PGF: variants seen among roughly 807,000 people sequenced by gnomAD.
PGF encodes the protein placental growth factor, also known as placenta growth factor.
PGF carries 11 observed loss-of-function variants against 25.3 expected under a neutral mutation model. The ratio of observed to expected loss-of-function variants is 0.43; its 90% CI spans 0.27 to 0.72. The LOEUF (loss-of-function observed/expected upper bound fraction) is 0.72, where lower values mean the gene tolerates loss of function less well. Ranked by LOEUF, PGF falls within the 30% of genes least tolerant of loss-of-function variation. PGF has a pLI of 0.18. For synonymous variants in PGF, 105 were observed against 97.9 expected, an observed-to-expected ratio of 1.07 and a Z score of -0.43; for missense variants, 230 against 234.9, an observed-to-expected ratio of 0.98 and a Z score of 0.14.
intron 2 of PGF, among the ~76,000 whole-genome samples, chr14:74,951,305 C>G (rs1361020470): frequency 6.6e-6 from 1 of 152,176 alleles, no homozygotes; most frequent in Non-Finnish European, 1.5e-5. Context: ...CAGTGGGAAA[C>G]AAGGCCTCTC....
rs775694930 is a variant in PGF at position 74,955,172 on chromosome 14, G to C, written c.71C>G (p.Pro24Arg). The change falls in exon 1 of 7, where the codon CCC becomes CGC. Residue 24 changes from proline (P) to arginine (R), a missense_variant. Coordinates refer to ENST00000555567, the MANE Select transcript of PGF (RefSeq NM_002632.6). The surrounding 1 kb of genome is among the most constrained non-coding windows in gnomAD (Gnocchi z 4.1). ...CTAGGTGGGGGTAGCTCTTACCTGG[G>C]GGGGCACAGCAGGCAGCGCCAGCCC... ...LAGLALPAVP[P>R]QQWALSAGNG... 1 of 1,472,416 alleles carries C rather than the reference G, an allele frequency of 6.8e-7. No homozygotes were observed. The allele number at this position is 1,472,416 out of a possible 1,614,324, so 91.2% of individuals were successfully genotyped here.
chr14:74,949,665 C>T (rs1016108158), intron 2 of PGF, 112 bp from the exon 3 acceptor site: 11 of 771,812 alleles, frequency 1.4e-5, no homozygotes, highest in African/African-American at 5.3e-5. Flanking sequence ...CAGCCCCATC[C>T]GAGCTCCCTC....
Position 74,955,305 on chromosome 14 carries a change from G to T in PGF, c.-63C>A. On this transcript the variant is annotated 5_prime_UTR_variant, in exon 1 of 7. Coordinates refer to ENST00000555567, the MANE Select transcript of PGF (RefSeq NM_002632.6). This position sits in a 1 kb window ranked among gnomAD's most constrained non-coding sequence, Gnocchi z 4.1. ...AACCACCATGCTCATCCCCCGGGGA[G>T]CCCCTGGCACAGGAGGAGAAGAGCT... 1 of 1,094,384 alleles carries T rather than the reference G, an allele frequency of 9.1e-7. No homozygotes were observed. The highest frequency in any genetic ancestry group is 2.1e-5 in the South Asian group (1 of 48,096). The allele number at this position is 1,094,384 out of a possible 1,614,324, so 67.8% of individuals were successfully genotyped here.
chr14:74,945,963 G>A, intron 6 of PGF: 1 of 552,638 alleles, frequency 1.8e-6, no homozygotes. Flanking sequence ...TCTACACAGA[G>A]AAAAGCTAGG....
In PGF at chr14:74,942,655, G is replaced by T; in HGVS notation, c.*51C>A. 1 of 1,569,372 alleles carries T rather than the reference G, an allele frequency of 6.4e-7. No individual in the cohort carries two copies. The highest frequency in any genetic ancestry group is 1.1e-5 in the South Asian group (1 of 88,672). ...AGCAGGAGTCACTGAAGAGTGTGAC[G>T]GTAATAAATACACGAGCCGGGTGCG... On this transcript the variant is annotated 3_prime_UTR_variant, in exon 7 of 7. Coordinates refer to ENST00000555567, the MANE Select transcript of PGF (RefSeq NM_002632.6).
intron 6 of PGF, among the ~76,000 whole-genome samples, chr14:74,943,059 C>T (rs996231541): frequency 1.3e-5 from 2 of 152,204 alleles, no homozygotes; most frequent in Non-Finnish European, 2.9e-5. Flanking sequence ...TGTGGTCACA[C>T]GGCCAGTCGG....
chr14:74,951,319 C>T (rs61757889), intron 2 of PGF, among the ~76,000 whole-genome samples: 1 of 152,306 alleles, frequency 6.6e-6, no homozygotes, highest in Non-Finnish European at 1.5e-5. Flanking sequence ...GCCTCTCTCC[C>T]CAAAGGCGCC....
intron 2 of PGF, among the ~76,000 whole-genome samples, chr14:74,951,158 T>A (rs752345974): frequency 5.9e-5 from 9 of 152,180 alleles, no homozygotes; most frequent in Non-Finnish European, 1.2e-4. Context: ...TGTTATCTGC[T>A]TGTTTGCTGC....
chr14:74,952,915 C>T (rs1023070831), intron 2 of PGF, among the ~76,000 whole-genome samples: 22 of 152,224 alleles, frequency 1.4e-4, no homozygotes, highest in African/African-American at 5.1e-4. Flanking sequence ...GTAGCTGTGG[C>T]CTGACCTACA....
At position 74,942,370 on chromosome 14, in the gene PGF, T is replaced by TA; in HGVS notation, c.*335dup. The stretch of plus-strand genomic sequence containing the variant: ...GCAGAGCCTGAGGCCCAAGAACAGG[T>TA]AGCAGGGCCCCCTTCTTTCCTTCTG... On this transcript the variant is annotated 3_prime_UTR_variant, in exon 7 of 7. Coordinates refer to ENST00000555567, the MANE Select transcript of PGF (RefSeq NM_002632.6). The TA allele has an allele frequency of 3.2e-6, 1 of 316,232 alleles. No individual in the cohort carries two copies. The highest frequency in any genetic ancestry group is 5.9e-6 in the Non-Finnish European group (1 of 170,830). 19.6% of individuals were successfully genotyped at this position (316,232 alleles called of 1,614,324 possible).
At chr14:74,947,245 G>A (rs1888760695) in intron 4 of PGF, 2 of 269,990 alleles carry the variant, frequency 7.4e-6, no homozygotes, top group Admixed American at 4.9e-5. Flanking sequence ...AGGGCAAAGG[G>A]GATGGAGAAG....
Position 74,946,409 on chromosome 14 carries a change from C to T in PGF, c.393-1G>A, listed in dbSNP as rs1378249004. On this transcript the variant is annotated splice_acceptor_variant, in intron 4 of 6. Transcript: ENST00000555567. LOFTEE classifies it high-confidence loss of function. ...CGGCTTCATCTTCTCCCGCAGAGGC[C>T]TAGGGAAACAGACAGAGAGAGGGGC... 2 of 1,608,800 alleles carry T rather than the reference C, an allele frequency of 1.2e-6. No individual in the cohort carries two copies. Among genetic ancestry groups the T allele is most frequent in the Non-Finnish European group, 8.5e-7 (1 of 1,176,950 alleles).
intron 6 of PGF, among the ~76,000 whole-genome samples, chr14:74,943,631 TTAAA>T (rs1249117537): frequency 1.3e-5 from 2 of 152,216 alleles, no homozygotes; most frequent in African/African-American, 4.8e-5. Context: ...TAAACAGGAA[TTAAA>T]TTAATGCAGA....
In PGF at chr14:74,955,492, G is replaced by T; in HGVS notation, c.-250C>A. On this transcript the variant is annotated 5_prime_UTR_variant, in exon 1 of 7. Coordinates refer to ENST00000555567, the MANE Select transcript of PGF (RefSeq NM_002632.6). The surrounding 1 kb of genome is among the most constrained non-coding windows in gnomAD (Gnocchi z 4.1). ...CGGGGCGGGGCGCCGAGGGGCAGGC[G>T]GGTCCCGGGGATGGTCCGTCGGGCG... 5.3e-6 allele frequency: 2 copies of T among 380,494 alleles called. No homozygotes were observed. Among genetic ancestry groups the T allele is most frequent in the Non-Finnish European group, 9.3e-6 (2 of 214,264 alleles). The allele number at this position is 380,494 out of a possible 1,614,324, so 23.6% of individuals were successfully genotyped here.
At chr14:74,946,118 C>T in intron 6 of PGF, 95 bp downstream of exon 6, 1 of 1,122,730 alleles carries the variant, frequency 8.9e-7, no homozygotes. Context: ...TGGCCTCAGT[C>T]CTGCCTCTCC....
intron 4 of PGF, 173 bp from the exon 5 acceptor site, chr14:74,946,581 G>C: frequency 1.5e-6 from 1 of 649,532 alleles, no homozygotes; most frequent in Admixed American, 2.7e-5. Context: ...AGAGCCTCAA[G>C]GCTTCACTCC....
rs1439400411 is a variant in PGF at position 74,955,171 on chromosome 14, G to C, written c.72C>G (p.Pro24=). 2.0e-5 allele frequency: 30 copies of C among 1,471,872 alleles called. No homozygotes were observed. The highest frequency in any genetic ancestry group is 1.8e-4 in the Middle Eastern group (1 of 5,664). 91.2% of individuals were successfully genotyped at this position (1,471,872 alleles called of 1,614,324 possible). Residue 24 remains proline (P), a synonymous_variant, in exon 1 of 7, where the codon CCC becomes CCG. Coordinates refer to ENST00000555567, the MANE Select transcript of PGF (RefSeq NM_002632.6). The surrounding 1 kb of genome is among the most constrained non-coding windows in gnomAD (Gnocchi z 4.1). ...LAGLALPAVP[P]QQWALSAGNG... is the part of the protein sequence containing the mutation. ...GCTAGGTGGGGGTAGCTCTTACCTGGGGGGGCACAGCAGGCAGCGCCAGCC... is the reference window on the plus strand; with the variant it reads ...GCTAGGTGGGGGTAGCTCTTACCTGCGGGGGCACAGCAGGCAGCGCCAGCC...
chr14:74,955,530 C>T lies in PGF; in HGVS notation c.-288G>A, dbSNP rs531595412. ...GGTCCGTCGGGCGCCCAGTGCCACT[C>T]CAGGTCCTCCCGTAGCTGGGCGGCC... On this transcript the variant is annotated 5_prime_UTR_variant, in exon 1 of 7. Transcript: ENST00000555567. This position sits in a 1 kb window ranked among gnomAD's most constrained non-coding sequence, Gnocchi z 4.1. The T allele has an allele frequency of 2.4e-4, 83 of 342,308 alleles. No homozygotes were observed. Among genetic ancestry groups the T allele is most frequent in the Non-Finnish European group, 3.6e-4 (68 of 190,016 alleles). 21.2% of individuals were successfully genotyped at this position (342,308 alleles called of 1,614,324 possible).
intron 2 of PGF, among the ~76,000 whole-genome samples, chr14:74,951,327 G>A (rs1594988904): frequency 6.6e-6 from 1 of 152,142 alleles, no homozygotes; most frequent in East Asian, 1.9e-4. Context: ...CCCCAAAGGC[G>A]CCCAAAGTGC....
Sources: gnomAD v4.1 joint callset for allele counts (sites outside exome capture counted in the v4.1 genomes callset) on GRCh38, gnomAD v4.1.1 for gene constraint, Gnocchi (gnomAD v3.1) non-coding constraint, MANE v1.5 for transcripts, NCBI Gene and HGNC (gene_info 2026-07-23, HGNC 2026-07-21) for gene names.